The following ZNF354C variants were observed in gnomAD, a reference collection of about 807,000 sequenced individuals.
ZNF354C encodes the protein KRAB-zinc finger protein synten.
Under a neutral mutation model 12.4 loss-of-function variants are expected in ZNF354C, and 7 were observed. The ratio of observed to expected loss-of-function variants is 0.56; its 90% confidence interval spans 0.32 to 1.06. The LOEUF is 1.06. Among genes scored for constraint, ZNF354C ranks in the 50% least tolerant of loss-of-function variants. The pLI, the probability that ZNF354C is intolerant of heterozygous loss-of-function variation, is 0.04. For missense variants in ZNF354C, 609 were observed against 658.0 expected, an observed-to-expected ratio of 0.93 and a Z score of 0.81; for synonymous variants, 202 against 224.5, an observed-to-expected ratio of 0.90 and a Z score of 0.90.
At chr5:179,065,738 C>A (rs535621801) in intron 2 of ZNF354C, among the ~76,000 whole-genome samples, 44 of 152,142 alleles carry the variant, frequency 2.9e-4, no homozygotes, top group African/African-American at 1.1e-3. Context: ...CTGTAGAATG[C>A]CCCTCCATTG....
chr5:179,072,296 A>AG (rs1200297616), intron 2 of ZNF354C, among the ~76,000 whole-genome samples: 1 of 151,964 alleles, frequency 6.6e-6, no homozygotes, highest in East Asian at 1.9e-4. Context: ...GAAATTGTAA[A>AG]AAAAAAAAAT....
At chr5:179,069,696 T>TA (rs1408193813) in intron 2 of ZNF354C, among the ~76,000 whole-genome samples, 1 of 150,666 alleles carries the variant, frequency 6.6e-6, no homozygotes, top group Admixed American at 6.6e-5. Context: ...AAACCCCGTC[T>TA]CTACTAAAAA....
rs770449988 is a variant in ZNF354C at position 179,079,495 on chromosome 5, C to T, written c.1063C>T (p.Pro355Ser). 1 of 1,614,012 alleles carries T rather than the reference C, an allele frequency of 6.2e-7. No individual in the cohort carries two copies. Among genetic ancestry groups the T allele is most frequent in the Non-Finnish European group, 8.5e-7 (1 of 1,180,038 alleles). ...TCAAAGAATCCATACAGGTGAGAAA[C>T]CCTATAAATGTAGTGAGTGTGGGAA... The part of the protein sequence containing the change: ...RHQRIHTGEK[P>S]YKCSECGKGY... Residue 355 changes from proline (P) to serine (S), a missense_variant, in exon 5 of 5, where the codon CCC becomes TCC. Transcript: ENST00000315475. This position sits in a 1 kb window ranked among gnomAD's most constrained non-coding sequence, Gnocchi z 4.2.
chr5:179,082,507 A>AT lies in ZNF354C; in HGVS notation c.*2417dup, dbSNP rs975938994. ...ATTTTAAAATGGTTTTCTTAAATTTATTTTTTTAAACATAACACGAGGAAG... is the reference window on the plus strand; with the variant it reads ...ATTTTAAAATGGTTTTCTTAAATTTATTTTTTTTAAACATAACACGAGGAAG... On this transcript the variant is annotated 3_prime_UTR_variant, in exon 5 of 5. Transcript: ENST00000315475. 10 of 583,272 alleles carry AT rather than the reference A, an allele frequency of 1.7e-5. No homozygotes were observed. The highest frequency in any genetic ancestry group is 9.4e-5 in the African/African-American group (5 of 53,256). The allele number at this position is 583,272 out of a possible 1,614,324, so 36.1% of individuals were successfully genotyped here.
chr5:179,076,472 G>A lies in ZNF354C; in HGVS notation c.55G>A (p.Val19Met), dbSNP rs138654012. Residue 19 changes from valine to methionine, a missense_variant, in exon 3 of 5, where the codon GTG becomes ATG. Coordinates refer to ENST00000315475, the MANE Select transcript of ZNF354C (RefSeq NM_014594.3). Reference sequence around the variant, plus strand: ...GCCTGTGACATTCAGGGATGTGGCCGTGTTCTTCAGCCAGGACGAGTGGTT... The same window carrying A: ...GCCTGTGACATTCAGGGATGTGGCCATGTTCTTCAGCCAGGACGAGTGGTT... ...QEPVTFRDVA[V>M]FFSQDEWLHL... The A allele has an allele frequency of 1.3e-4, 202 of 1,614,186 alleles. No individual in the cohort carries two copies. Among genetic ancestry groups the A allele is most frequent in the Admixed American group, 1.8e-4 (11 of 60,026 alleles).
chr5:179,078,656 G>A, intron 4 of ZNF354C, 27 bp from the exon 5 acceptor site: 2 of 1,544,426 alleles, frequency 1.3e-6, no homozygotes, highest in South Asian at 2.5e-5. Flanking sequence ...CAGCAGAGGA[G>A]GCATTAATTC....
At chr5:179,063,126 C>T (rs548265335) in intron 2 of ZNF354C, among the ~76,000 whole-genome samples, 2 of 152,204 alleles carry the variant, frequency 1.3e-5, no homozygotes, top group Non-Finnish European at 2.9e-5. Flanking sequence ...GAAATGTGGA[C>T]TCAGGAGCTT....
Position 179,078,718 on chromosome 5 carries a change from C to G in ZNF354C, c.286C>G (p.His96Asp), listed in dbSNP as rs1260707962. ...KTWLETEALP[H>D]RQDIFIEETS... is the part of the protein sequence containing the mutation. ...TTGGCTTGAAACAGAAGCATTGCCT[C>G]ATAGACAGGACATTTTTATAGAAGA... The change falls in exon 5 of 5, where the codon CAT becomes GAT. Residue 96 changes from histidine (H) to aspartate (D), a missense_variant. Physicochemically the swap from His to Asp is moderately conservative, Grantham distance 81. Transcript: ENST00000315475. The G allele has an allele frequency of 6.2e-7, 1 of 1,610,494 alleles. No individual in the cohort carries two copies. Among genetic ancestry groups the G allele is most frequent in the African/African-American group, 1.3e-5 (1 of 74,564 alleles).
At chr5:179,069,726 C>A (rs1033272284) in intron 2 of ZNF354C, among the ~76,000 whole-genome samples, 1 of 151,400 alleles carries the variant, frequency 6.6e-6, no homozygotes, top group African/African-American at 2.4e-5. Context: ...ATTAGCCGGG[C>A]GCGGTGGCGG....
At position 179,082,602 on chromosome 5, in the gene ZNF354C, T is replaced by G. The variant is rs1168912210; in HGVS notation, c.*2505T>G. 2 of 1,126,406 alleles carry G rather than the reference T, an allele frequency of 1.8e-6. No homozygotes were observed. Among genetic ancestry groups the G allele is most frequent in the Non-Finnish European group, 2.7e-6 (2 of 738,334 alleles). The allele number at this position is 1,126,406 out of a possible 1,614,324, so 69.8% of individuals were successfully genotyped here. A position where few individuals can be genotyped will look rare whatever the true frequency, so the allele number is the denominator to read the frequency against. On this transcript the variant is annotated 3_prime_UTR_variant, in exon 5 of 5. Coordinates refer to ENST00000315475, the MANE Select transcript of ZNF354C (RefSeq NM_014594.3). ...ATTTCGGGAGGGATGAAGAGGGAGA[T>G]ATTCAGAAACCTTCACCAGATTCCT...
intron 2 of ZNF354C, among the ~76,000 whole-genome samples, chr5:179,066,315 T>A (rs770871028): frequency 3.9e-5 from 6 of 152,282 alleles, no homozygotes; most frequent in African/African-American, 7.2e-5. Flanking sequence ...ACGGCATTGC[T>A]GCCATTCATT....
At chr5:179,062,212 C>T (rs1349279735) in intron 2 of ZNF354C, 117 bp downstream of exon 2, 17 of 1,348,342 alleles carry the variant, frequency 1.3e-5, no homozygotes, top group Admixed American at 8.9e-5. Context: ...ATGAAGAATC[C>T]GGAACCTCAA....
chr5:179,076,175 C>A (rs528443512), intron 2 of ZNF354C, among the ~76,000 whole-genome samples: 1 of 152,330 alleles, frequency 6.6e-6, no homozygotes, highest in Admixed American at 6.5e-5. Context: ...GAGAAAGATC[C>A]CAGGCTGGTA....
In ZNF354C at chr5:179,080,820, C is replaced by T. The variant is rs1167759848; in HGVS notation, c.*723C>T. On this transcript the variant is annotated 3_prime_UTR_variant, in exon 5 of 5. Coordinates refer to ENST00000315475, the MANE Select transcript of ZNF354C (RefSeq NM_014594.3). ...TATATAACTGAACAGAGTACTATTA[C>T]AGTACCGTAGAAGGCGGATTAACTG... 1.3e-5 allele frequency: 2 copies of T among 152,176 alleles called. No homozygotes were observed. The highest frequency in any genetic ancestry group is 2.9e-5 in the Non-Finnish European group (2 of 68,038). 9.4% of individuals were successfully genotyped at this position (152,176 alleles called of 1,614,324 possible). A position where few individuals can be genotyped will look rare whatever the true frequency, so the allele number is the denominator to read the frequency against.
In ZNF354C at chr5:179,083,119, T is replaced by C; in HGVS notation, c.*3022T>C. On this transcript the variant is annotated 3_prime_UTR_variant, in exon 5 of 5. Coordinates refer to ENST00000315475, the MANE Select transcript of ZNF354C (RefSeq NM_014594.3). The stretch of plus-strand genomic sequence containing the variant: ...GTCTGGACTTTTCAAAAAGCAAATG[T>C]AGTAAAACAAAAAGTGGTCTCTGCT... The C allele has an allele frequency of 3.6e-6, 2 of 557,542 alleles. No individual in the cohort carries two copies. Among genetic ancestry groups the C allele is most frequent in the East Asian group, 6.1e-5 (2 of 32,672 alleles). The allele number at this position is 557,542 out of a possible 1,614,324, so 34.5% of individuals were successfully genotyped here.
intron 2 of ZNF354C, among the ~76,000 whole-genome samples, chr5:179,071,761 G>T (rs1762056339): frequency 6.6e-6 from 1 of 152,156 alleles, no homozygotes; most frequent in African/African-American, 2.4e-5. Context: ...TTGGAAAGGA[G>T]AGAGGCAGAG....
intron 2 of ZNF354C, among the ~76,000 whole-genome samples, chr5:179,069,587 C>CGGG (rs1288828177): frequency 2.1e-5 from 3 of 140,976 alleles, no homozygotes; most frequent in Non-Finnish European, 4.6e-5. Context: ...AAAGAAAGGC[C>CGGG]GGGCACGGTG....
Position 179,079,136 on chromosome 5 carries a change from A to G in ZNF354C, c.704A>G (p.Gln235Arg), listed in dbSNP as rs751927093. The G allele has an allele frequency of 1.2e-6, 2 of 1,613,900 alleles. No homozygotes were observed. Among genetic ancestry groups the G allele is most frequent in the South Asian group, 2.2e-5 (2 of 91,078 alleles). ...CAGAATCTGCATCTTATTGAACATC[A>G]GAGAATTCATACAGGTGAGAAACCC... ...FKQNLHLIEH[Q>R]RIHTGEKPYK... Residue 235 changes from glutamine to arginine, a missense_variant, in exon 5 of 5, where the codon CAG becomes CGG. Coordinates refer to ENST00000315475, the MANE Select transcript of ZNF354C (RefSeq NM_014594.3). The surrounding 1 kb of genome is among the most constrained non-coding windows in gnomAD (Gnocchi z 4.2).
chr5:179,082,719 C>T lies in ZNF354C; in HGVS notation c.*2622C>T. The T allele has an allele frequency of 6.3e-7, 1 of 1,576,838 alleles. No homozygotes were observed. Among genetic ancestry groups the T allele is most frequent in the Admixed American group, 1.7e-5 (1 of 59,816 alleles). ...ACGGATCTTTCTTTCTGCACCAAAC[C>T]CCATTGAGTTATCTGGTCCCCTTGG... On this transcript the variant is annotated 3_prime_UTR_variant, in exon 5 of 5. Transcript: ENST00000315475.
Sources: allele counts gnomAD v4.1 joint callset (sites outside exome capture counted in the v4.1 genomes callset), GRCh38; gene constraint gnomAD v4.1.1; non-coding constraint Gnocchi (gnomAD v3.1); transcripts MANE v1.5; gene names NCBI Gene and HGNC (gene_info 2026-07-23, HGNC 2026-07-21).